GABRG2: variants seen among roughly 807,000 people sequenced by gnomAD.
The protein encoded by GABRG2 is gamma-aminobutyric acid type A receptor subunit gamma2, also known as gamma-aminobutyric acid receptor subunit gamma-2.
GABRG2 carries 16 observed loss-of-function variants against 56.4 expected under a neutral mutation model. That is an observed-to-expected ratio of 0.28 (90% CI 0.19 to 0.43). GABRG2 has a LOEUF of 0.43. Ranked by LOEUF, GABRG2 falls within the 20% of genes least tolerant of loss-of-function variation. GABRG2 has a pLI of 1.00. For synonymous variants in GABRG2, 208 were observed against 205.5 expected (o/e 1.01, Z -0.10); for missense variants, 327 against 582.7 (o/e 0.56, Z 4.52).
intron 1 of GABRG2, among the ~76,000 whole-genome samples, chr5:162,086,051 C>T (rs1190879117): frequency 1.3e-5 from 2 of 151,784 alleles, no homozygotes; most frequent in Admixed American, 6.6e-5. Context: ...CATACTCGTG[C>T]ATGCTTTGTT....
chr5:162,067,577 T>A, upstream of GABRG2: 1 of 462,920 alleles, frequency 2.2e-6, no homozygotes, highest in Non-Finnish European at 3.8e-6. Context: ...CTGCCCCCTG[T>A]AAAAGAAAAA....
At chr5:162,079,617 A>T (rs1412957010) in intron 1 of GABRG2, among the ~76,000 whole-genome samples, 1 of 151,936 alleles carries the variant, frequency 6.6e-6, no homozygotes, top group African/African-American at 2.4e-5. Context: ...GGCATAATTT[A>T]AAAAAATAAT....
intron 1 of GABRG2, among the ~76,000 whole-genome samples, chr5:162,073,147 T>C (rs1372084760): frequency 1.3e-5 from 2 of 151,930 alleles, no homozygotes; most frequent in African/African-American, 4.8e-5. Context: ...AAATGTCGAA[T>C]CTATAGAAGG....
rs563981968 is a variant in GABRG2 at position 162,131,022 on chromosome 5, G to A, written c.770-11142G>A. 4.6e-5 allele frequency among the ~76,000 whole-genome samples: 7 copies of A among 152,080 alleles called. No individual in the cohort carries two copies. In the South Asian group the frequency reaches 1.5e-3, roughly 32 times the overall value. ...TAAGAAAACACCTAAGTGATGAAGT[G>A]TCTTAATTTCACCAAATAGATAACC... On this transcript the variant is annotated intron_variant, in intron 6 of 9. Transcript: ENST00000639213.
rs557252818 is a variant in GABRG2, at chr5:162,114,485, C to T, written c.769+10459C>T. On this transcript the variant is annotated intron_variant, in intron 6 of 9. Coordinates refer to ENST00000639213, the MANE Select transcript of GABRG2 (RefSeq NM_198904.4). The stretch of plus-strand genomic sequence containing the variant: ...CCAGGAGGCAGAGGTTGTGGTGAGC[C>T]GAGATAGCACCATTTGCACCCCAGC... Among the ~76,000 whole-genome samples the T allele has an allele frequency of 9.2e-5, 14 of 151,900 alleles. No individual in the cohort carries two copies. The East Asian group carries it at 1.9e-3, about 21-fold the overall frequency.
chr5:162,109,775 G>A (rs188967172), intron 6 of GABRG2, among the ~76,000 whole-genome samples: 1 of 151,774 alleles, frequency 6.6e-6, no homozygotes, highest in African/African-American at 2.4e-5. Flanking sequence ...ATGTTGCCAC[G>A]GCCAGCTCAT....
intron 6 of GABRG2, among the ~76,000 whole-genome samples, chr5:162,120,580 T>C (rs1169608979): frequency 6.6e-6 from 1 of 152,088 alleles, no homozygotes; most frequent in Non-Finnish European, 1.5e-5. Flanking sequence ...GGATGCAGCA[T>C]CAGATAATAG....
Position 162,109,420 on chromosome 5 carries a change from A to ATATATATATATT in GABRG2, c.769+5397_769+5398insATATATATTTAT, listed in dbSNP as rs1424412323. Among the ~76,000 whole-genome samples the ATATATATATATT allele has an allele frequency of 1.3e-3, 156 of 116,012 alleles. 1 individual carries two copies. Among genetic ancestry groups the ATATATATATATT allele is most frequent in the African/African-American group, 4.8e-3 (149 of 30,766 alleles). The allele number at this position is 116,012 out of a possible 152,430, so 76.1% of individuals were successfully genotyped here. A position where few individuals can be genotyped will look rare whatever the true frequency, so the allele number is the denominator to read the frequency against. On this transcript the variant is annotated intron_variant, in intron 6 of 9. Coordinates refer to ENST00000639213, the MANE Select transcript of GABRG2 (RefSeq NM_198904.4). ...TATATATATATATATATATATATAT[A>ATATATATATATT]TATTTATTTATATAAAATGAAAACA...
At chr5:162,146,356 C>T (rs1764948627) in intron 7 of GABRG2, among the ~76,000 whole-genome samples, 1 of 151,984 alleles carries the variant, frequency 6.6e-6, no homozygotes, top group Admixed American at 6.5e-5. Context: ...CACTGTTTGT[C>T]ACCTGTAAAA....
chr5:162,119,836 A>G (rs1225080589), intron 6 of GABRG2, among the ~76,000 whole-genome samples: 1 of 152,066 alleles, frequency 6.6e-6, no homozygotes, highest in Non-Finnish European at 1.5e-5. Flanking sequence ...ACCTTAGGAT[A>G]TGTTTGGAAT....
At chr5:162,074,022 TG>T (rs1043851235) in intron 1 of GABRG2, among the ~76,000 whole-genome samples, 1 of 151,960 alleles carries the variant, frequency 6.6e-6, no homozygotes, top group African/African-American at 2.4e-5. Flanking sequence ...GAAAATACTT[TG>T]GTTGTTTAGA....
In GABRG2 at chr5:162,067,924, A is replaced by G. The variant is rs1679927610; in HGVS notation, c.-76A>G. ...GGGGAGCCACCATCAGATCATAAGC[A>G]TAAGAATAATACAAAGGGGAGGGAT... On this transcript the variant is annotated 5_prime_UTR_variant, in exon 1 of 10. Coordinates refer to ENST00000639213, the MANE Select transcript of GABRG2 (RefSeq NM_198904.4). 2.0e-6 allele frequency: 2 copies of G among 1,021,738 alleles called. No individual in the cohort carries two copies. Among genetic ancestry groups the G allele is most frequent in the African/African-American group, 1.6e-5 (1 of 63,300 alleles). 63.3% of individuals were successfully genotyped at this position (1,021,738 alleles called of 1,614,324 possible). A position where few individuals can be genotyped will look rare whatever the true frequency, so the allele number is the denominator to read the frequency against.
intron 6 of GABRG2, among the ~76,000 whole-genome samples, chr5:162,106,367 T>A (rs1034549863): frequency 6.6e-6 from 1 of 152,202 alleles, no homozygotes; most frequent in Admixed American, 6.5e-5. Flanking sequence ...TTGTATTTTG[T>A]GTGTAGTACT....
rs529821827 is a variant in GABRG2 at position 162,117,649 on chromosome 5, T to C, written c.769+13623T>C. On this transcript the variant is annotated intron_variant, in intron 6 of 9. Coordinates refer to ENST00000639213, the MANE Select transcript of GABRG2 (RefSeq NM_198904.4). Reference sequence around the variant, plus strand: ...ACATGAAGCATAGTGCTAACAATAATTTAAAATATTGCCATATGGCTAGTT... The same window carrying C: ...ACATGAAGCATAGTGCTAACAATAACTTAAAATATTGCCATATGGCTAGTT... Among the ~76,000 whole-genome samples, 7 of 152,280 alleles carry C rather than the reference T, an allele frequency of 4.6e-5. No homozygotes were observed. The South Asian group carries it at 1.4e-3, about 32-fold the overall frequency.
chr5:162,131,714 G>A (rs1024578276), intron 6 of GABRG2, among the ~76,000 whole-genome samples: 1 of 151,920 alleles, frequency 6.6e-6, no homozygotes, highest in Non-Finnish European at 1.5e-5. Flanking sequence ...CAATCCACAA[G>A]ATAGCATCCA....
At chr5:162,144,100 C>A (rs375761571) in intron 7 of GABRG2, among the ~76,000 whole-genome samples, 31 of 152,302 alleles carry the variant, frequency 2.0e-4, no homozygotes, top group African/African-American at 7.2e-4. Flanking sequence ...TACTTTCGGA[C>A]TATTACTTGT....
chr5:162,107,350 T>G (rs1396527720), intron 6 of GABRG2, among the ~76,000 whole-genome samples: 1 of 152,164 alleles, frequency 6.6e-6, no homozygotes, highest in South Asian at 2.1e-4. Flanking sequence ...CTCTTACACT[T>G]TAAGTGCATA....
chr5:162,139,972 C>A (rs761494954), intron 6 of GABRG2, among the ~76,000 whole-genome samples: 1 of 152,082 alleles, frequency 6.6e-6, no homozygotes, highest in Non-Finnish European at 1.5e-5. Flanking sequence ...GAGGTCATCT[C>A]AAATTAAATC....
At chr5:162,091,971 G>T (rs938097585) in intron 1 of GABRG2, among the ~76,000 whole-genome samples, 1 of 152,026 alleles carries the variant, frequency 6.6e-6, no homozygotes, top group Non-Finnish European at 1.5e-5. Context: ...AATTTAAACC[G>T]TAATATATTC....
Sources: gnomAD v4.1 joint callset for allele counts (sites outside exome capture counted in the v4.1 genomes callset) on GRCh38, gnomAD v4.1.1 for gene constraint, MANE v1.5 for transcripts, NCBI Gene and HGNC (gene_info 2026-07-23, HGNC 2026-07-21) for gene names.